Variants in MYH8 observed in about 807,000 individuals in gnomAD.
MYH8 encodes myosin-8.
Under a neutral mutation model 233.2 loss-of-function variants are expected in MYH8, and 168 were observed. The ratio of observed to expected loss-of-function variants is 0.72; its 90% confidence interval spans 0.64 to 0.82. The LOEUF is 0.82. Among genes scored for constraint, MYH8 ranks in the 40% least tolerant of loss-of-function variants. The pLI is 0.00. For missense variants in MYH8, 1,995 were observed against 2,327.8 expected (o/e 0.86, Z 2.94); for synonymous variants, 785 against 850.6 (o/e 0.92, Z 1.34).
At position 10,413,907 on chromosome 17, in the gene MYH8, G is replaced by A; in HGVS notation, c.1142C>T (p.Thr381Ile). 6.2e-7 allele frequency: 1 copy of A among 1,613,676 alleles called. No homozygotes were observed. The highest frequency in any genetic ancestry group is 8.5e-7 in the Non-Finnish European group (1 of 1,179,914). ...QREEQAEPDG[T>I]EVADKAAYLQ... ...GATAAAGTTTCATTTGGTACCTTCT[G>A]TGCCATCTGGCTCAGCTTGCTCCTC... Residue 381 changes from threonine (T) to isoleucine (I), a missense_variant, in exon 12 of 40, where the codon ACA becomes ATA. Thr to Ile is a moderately conservative substitution (Grantham distance 89). Transcript: ENST00000403437.
rs1266502703 is a variant in MYH8, at chr17:10,406,684, A to T, written c.2171+6T>A. ...GTGTTAATGAAATACATCAAAGAAGACTGACCTTTGTTTGAAATCACCATA... is the reference window on the plus strand; with the variant it reads ...GTGTTAATGAAATACATCAAAGAAGTCTGACCTTTGTTTGAAATCACCATA... On this transcript the variant is annotated splice_donor_region_variant and intron_variant, in intron 19 of 39. Coordinates refer to ENST00000403437, the MANE Select transcript of MYH8 (RefSeq NM_002472.3). The T allele has an allele frequency of 3.7e-6, 6 of 1,607,390 alleles. No individual in the cohort carries two copies. Among genetic ancestry groups the T allele is most frequent in the Non-Finnish European group, 1.7e-6 (2 of 1,174,032 alleles).
At chr17:10,391,592 A>G (rs1322924826) in intron 39 of MYH8, among the ~76,000 whole-genome samples, 3 of 152,138 alleles carry the variant, frequency 2.0e-5, no homozygotes, top group African/African-American at 7.2e-5. Context: ...AGGCATAAGA[A>G]TCACTTGAGC....
At chr17:10,399,425 A>G in intron 28 of MYH8, 118 bp downstream of exon 28, 1 of 1,562,102 alleles carries the variant, frequency 6.4e-7, no homozygotes, top group Non-Finnish European at 8.8e-7. Context: ...TGACCTTCTT[A>G]GCAAACTCTG....
rs1445668817 is a variant in MYH8 at position 10,414,185 on chromosome 17, G to A, written c.1008+7C>T. On this transcript the variant is annotated splice_region_variant and intron_variant, in intron 11 of 39. Coordinates refer to ENST00000403437, the MANE Select transcript of MYH8 (RefSeq NM_002472.3). ...ATGGATTTTTAAAATTAGTGTTTTT[G>A]ACTTACATCAGTGGCCATCAACTCT... 1 of 1,613,068 alleles carries A rather than the reference G, an allele frequency of 6.2e-7. No homozygotes were observed.
intron 15 of MYH8, among the ~76,000 whole-genome samples, chr17:10,410,085 C>G (rs545446673): frequency 3.2e-4 from 48 of 152,298 alleles, no homozygotes; most frequent in African/African-American, 1.2e-3. Context: ...AGGAGGATCA[C>G]TTGAACTCAG....
chr17:10,407,244 TGTGA>T (rs2072202853), intron 17 of MYH8, among the ~76,000 whole-genome samples: 1 of 152,138 alleles, frequency 6.6e-6, no homozygotes, highest in Admixed American at 6.5e-5. Context: ...TCAGTAACCT[TGTGA>T]TGTACAAGGA....
chr17:10,406,145 C>G lies in MYH8; in HGVS notation c.2328G>C (p.Leu776=), dbSNP rs930338536. ...VFFKAGLLGL[L]EEMRDEKLAQ... Reference sequence around the variant, plus strand: ...CTAATTTTTCATCTCTCATTTCTTCCAGAAGACCCAGAAGTCCAGCTTTGA... The same window carrying G: ...CTAATTTTTCATCTCTCATTTCTTCGAGAAGACCCAGAAGTCCAGCTTTGA... Residue 776 remains leucine, a synonymous_variant, in exon 21 of 40, where the codon CTG becomes CTC. Transcript: ENST00000403437. 2 of 1,614,036 alleles carry G rather than the reference C, an allele frequency of 1.2e-6. No individual in the cohort carries two copies. The highest frequency in any genetic ancestry group is 4.5e-5 in the East Asian group (2 of 44,872).
rs1235076936 is a variant in MYH8, at chr17:10,401,712, T to C, written c.2762A>G (p.Lys921Arg). 1 of 1,614,180 alleles carries C rather than the reference T, an allele frequency of 6.2e-7. No homozygotes were observed. The highest frequency in any genetic ancestry group is 1.7e-5 in the Admixed American group (1 of 60,020). ...LIKNKIQLEA[K>R]IKEVTERAEE... ...AGCTCTTTCAGTCACCTCTTTGATTTTGGCCTCAAGTTGGATTTTGTTTTT... is the reference window on the plus strand; with the variant it reads ...AGCTCTTTCAGTCACCTCTTTGATTCTGGCCTCAAGTTGGATTTTGTTTTT... Residue 921 changes from lysine to arginine, a missense_variant, in exon 23 of 40, where the codon AAA becomes AGA. Physicochemically the swap from Lys to Arg is conservative, Grantham distance 26. Transcript: ENST00000403437.
In MYH8 at chr17:10,419,006, C is replaced by G; in HGVS notation, c.235G>C (p.Val79Leu). The G allele has an allele frequency of 6.2e-7, 1 of 1,614,094 alleles. No homozygotes were observed. Among genetic ancestry groups the G allele is most frequent in the Non-Finnish European group, 8.5e-7 (1 of 1,180,014 alleles). ...GATLTVREDQ[V>L]FPMNPPKYDK... Reference sequence around the variant, plus strand: ...TATTTCGGAGGGTTCATAGGGAAGACTTGGTCTTCCCTGACAGTTAGAGTC... The same window carrying G: ...TATTTCGGAGGGTTCATAGGGAAGAGTTGGTCTTCCCTGACAGTTAGAGTC... Residue 79 changes from valine (V) to leucine (L), a missense_variant, in exon 4 of 40, where the codon GTC (valine) becomes CTC (leucine). Around this residue, in one of 3 missense-constraint regions of MYH8, gnomAD observed 479 missense variants for 600.9 expected, o/e 0.80. Transcript: ENST00000403437. This position sits in a 1 kb window ranked among gnomAD's most constrained non-coding sequence, Gnocchi z 4.0.
In MYH8 at chr17:10,400,729, TC is replaced by T. The variant is rs1567683810; in HGVS notation, c.3395del (p.Arg1132GlnfsTer35). ...CAGAGCGCTGCTTCTCCGCTTTGGC[TC>T]GGGACGCCCTCTCTGCCTCGATTTC... Reference protein sequence around the residue: ...GEEIEAERASRAKAEKQRSDL... With the variant: ...GEEIEAERASXAKAEKQRSDL... On this transcript the variant is annotated frameshift_variant, in exon 27 of 40. Transcript: ENST00000403437. LOFTEE classifies it high-confidence loss of function. The surrounding 1 kb of genome is among the most constrained non-coding windows in gnomAD (Gnocchi z 4.0). The T allele has an allele frequency of 6.2e-7, 1 of 1,614,182 alleles. No individual in the cohort carries two copies. The highest frequency in any genetic ancestry group is 8.5e-7 in the Non-Finnish European group (1 of 1,180,046).
intron 35 of MYH8, 147 bp from the exon 36 acceptor site, chr17:10,393,357 A>G (rs776562346): frequency 1.3e-5 from 15 of 1,177,918 alleles, no homozygotes; most frequent in Non-Finnish European, 1.8e-5. Context: ...AATGTTAATT[A>G]TTTGCAAGGT....
chr17:10,392,469 A>G, intron 38 of MYH8, 73 bp downstream of exon 38: 1 of 1,342,662 alleles, frequency 7.4e-7, no homozygotes, highest in Non-Finnish European at 1.1e-6. Flanking sequence ...TGGCATATAA[A>G]TAAATAGTCA....
In MYH8 at chr17:10,396,597, A is replaced by G. The variant is rs756584687; in HGVS notation, c.4484T>C (p.Leu1495Pro). 1 of 1,614,196 alleles carries G rather than the reference A, an allele frequency of 6.2e-7. No individual in the cohort carries two copies. Among genetic ancestry groups the G allele is most frequent in the South Asian group, 1.1e-5 (1 of 91,082 alleles). Residue 1495 changes from leucine to proline, a missense_variant, in exon 32 of 40, where the codon CTG (leucine) becomes CCG (proline). Physicochemically the swap from Leu to Pro is moderately conservative, Grantham distance 98. Transcript: ENST00000403437. This position sits in a 1 kb window ranked among gnomAD's most constrained non-coding sequence, Gnocchi z 4.2. ...FKVKNVYEESLDQLETLRREN... is the reference protein window; with the variant it reads ...FKVKNVYEESPDQLETLRREN... ...TCTTCTTAGCGTTTCGAGTTGATCC[A>G]GGGATTCCTCATAGACATTCTTCAC...
At chr17:10,407,885 T>C (rs1247790210) in intron 17 of MYH8, among the ~76,000 whole-genome samples, 1 of 150,678 alleles carries the variant, frequency 6.6e-6, no homozygotes, top group East Asian at 1.9e-4. Flanking sequence ...TGAAACTATA[T>C]AACCTTGGGT....
chr17:10,413,071 C>A (rs1162024210), intron 12 of MYH8, among the ~76,000 whole-genome samples: 1 of 152,188 alleles, frequency 6.6e-6, no homozygotes, highest in East Asian at 1.9e-4. Flanking sequence ...GATAAATATT[C>A]ACTGTTAGAG....
At chr17:10,402,646 C>CACACACAT (rs1287671864) in intron 22 of MYH8, among the ~76,000 whole-genome samples, 5 of 152,070 alleles carry the variant, frequency 3.3e-5, no homozygotes, top group African/African-American at 1.2e-4. Flanking sequence ...CACACACACA[C>CACACACAT]ACTCTCCTAA....
intron 19 of MYH8, 105 bp from the exon 20 acceptor site, chr17:10,406,502 G>A: frequency 6.5e-7 from 1 of 1,549,770 alleles, no homozygotes; most frequent in Non-Finnish European, 8.9e-7. Context: ...AGAAATAAAA[G>A]TGGAAAATCC....
intron 30 of MYH8, 151 bp from the exon 31 acceptor site, chr17:10,397,137 G>C: frequency 1.0e-6 from 1 of 956,954 alleles, no homozygotes; most frequent in Non-Finnish European, 1.6e-6. Context: ...ATGCTGGAGT[G>C]CAGTGGTGCA....
rs1274073145 is a variant in MYH8, at chr17:10,400,545, C to G, written c.3580G>C (p.Ala1194Pro). 6.2e-7 allele frequency: 1 copy of G among 1,614,220 alleles called. No homozygotes were observed. Among genetic ancestry groups the G allele is most frequent in the South Asian group, 1.1e-5 (1 of 91,086 alleles). ...CTGTCTGCGTGCTTCTTCCGAAGAG[C>G]AGCCACCATAGCTTCATGCTGCAGG... ...ATLQHEAMVA[A>P]LRKKHADSMA... The change falls in exon 27 of 40, where the codon GCT (alanine) becomes CCT (proline). Residue 1194 changes from alanine (A) to proline (P), a missense_variant. Physicochemically the swap from Ala to Pro is conservative, Grantham distance 27. This residue lies in a region of MYH8 where 1,498 missense variants were observed against 1,680.9 expected (regional missense o/e 0.89). Transcript: ENST00000403437. This position sits in a 1 kb window ranked among gnomAD's most constrained non-coding sequence, Gnocchi z 4.0.
Sources: gnomAD v4.1 joint callset for allele counts (sites outside exome capture counted in the v4.1 genomes callset) on GRCh38, gnomAD v4.1.1 for gene constraint, gnomAD v4.1.1 regional missense constraint, Gnocchi (gnomAD v3.1) non-coding constraint, MANE v1.5 for transcripts, NCBI Gene and HGNC (gene_info 2026-07-23, HGNC 2026-07-21) for gene names.